The following GABRB2 variants were observed in gnomAD, a reference collection of about 807,000 sequenced individuals.
GABRB2 encodes gamma-aminobutyric acid type A receptor subunit beta2.
In GABRB2, 16 loss-of-function variants were observed where a neutral mutation model predicts 54.7. The ratio of observed to expected loss-of-function variants is 0.29; its 90% CI spans 0.20 to 0.44. GABRB2 has a LOEUF of 0.44. Ranked by LOEUF, GABRB2 falls within the 20% of genes least tolerant of loss-of-function variation. The pLI is 1.00. For synonymous variants in GABRB2, 244 were observed against 233.8 expected (o/e 1.04, Z -0.40); for missense variants, 355 against 644.0 (o/e 0.55, Z 4.86).
At chr5:161,496,629 G>A (rs1230139278) in intron 3 of GABRB2, among the ~76,000 whole-genome samples, 1 of 151,588 alleles carries the variant, frequency 6.6e-6, no homozygotes, top group East Asian at 1.9e-4. Context: ...ATACAGAAGA[G>A]CAATATGAGC....
intron 4 of GABRB2, among the ~76,000 whole-genome samples, chr5:161,423,508 C>T (rs1388950035): frequency 6.6e-6 from 1 of 152,082 alleles, no homozygotes; most frequent in African/African-American, 2.4e-5. Context: ...TTATGTCTGT[C>T]ACAGTCATCT....
Position 161,294,092 on chromosome 5 carries a change from A to G in GABRB2, c.1528T>C (p.Tyr510His). The change falls in exon 10 of 10, where the codon TAT (tyrosine) becomes CAT (histidine). Residue 510 changes from tyrosine (Y) to histidine (H), a missense_variant. Around this residue, in one of 6 missense-constraint regions of GABRB2, gnomAD observed 201 missense variants for 228.1 expected, o/e 0.88. Coordinates refer to ENST00000393959, the MANE Select transcript of GABRB2 (RefSeq NM_001371727.1). ...TGGGAGGCCATGTTTTAGTTCACATAATAAAGCCAATAGACGATGTTGAAG... is the reference window on the plus strand; with the variant it reads ...TGGGAGGCCATGTTTTAGTTCACATGATAAAGCCAATAGACGATGTTGAAG... ...SFFNIVYWLY[Y>H]VN The G allele has an allele frequency of 6.2e-7, 1 of 1,611,448 alleles. No individual in the cohort carries two copies.
intron 3 of GABRB2, among the ~76,000 whole-genome samples, chr5:161,475,061 T>C (rs1183502075): frequency 1.3e-5 from 2 of 151,926 alleles, no homozygotes; most frequent in African/African-American, 4.8e-5. Flanking sequence ...ATGAAAAGAA[T>C]AGTTAATTGG....
At chr5:161,317,399 T>C (rs1039229321) in intron 9 of GABRB2, among the ~76,000 whole-genome samples, 1 of 152,184 alleles carries the variant, frequency 6.6e-6, no homozygotes, top group Non-Finnish European at 1.5e-5. Context: ...TCTCCAAATG[T>C]AACCACTGGG....
At chr5:161,454,562 T>A (rs1026882496) in intron 4 of GABRB2, among the ~76,000 whole-genome samples, 3 of 152,354 alleles carry the variant, frequency 2.0e-5, no homozygotes, top group African/African-American at 7.2e-5. Flanking sequence ...TTCCCATCCA[T>A]GCTTCCATTT....
At chr5:161,387,501 C>G (rs1469160017) in intron 5 of GABRB2, among the ~76,000 whole-genome samples, 3 of 152,088 alleles carry the variant, frequency 2.0e-5, no homozygotes, top group Non-Finnish European at 4.4e-5. Context: ...TCAAACCTAG[C>G]CCTCTGGGTT....
At chr5:161,347,075 G>A (rs1323078389) in intron 5 of GABRB2, among the ~76,000 whole-genome samples, 2 of 152,084 alleles carry the variant, frequency 1.3e-5, no homozygotes, top group Non-Finnish European at 2.9e-5. Context: ...TTTTGTCTAG[G>A]AGAGTCAGTT....
At chr5:161,348,212 C>A (rs1001451098) in intron 5 of GABRB2, among the ~76,000 whole-genome samples, 1 of 151,888 alleles carries the variant, frequency 6.6e-6, no homozygotes, top group Non-Finnish European at 1.5e-5. Context: ...TTCATAATTA[C>A]CATGTTAGGA....
intron 5 of GABRB2, among the ~76,000 whole-genome samples, chr5:161,376,692 G>C (rs1043982817): frequency 6.6e-6 from 1 of 151,984 alleles, no homozygotes; most frequent in Admixed American, 6.6e-5. Context: ...AATAATCCCA[G>C]CCCAACATTA....
intron 3 of GABRB2, among the ~76,000 whole-genome samples, chr5:161,520,545 T>C (rs1400488753): frequency 6.6e-6 from 1 of 152,096 alleles, no homozygotes; most frequent in African/African-American, 2.4e-5. Flanking sequence ...TACTATATGA[T>C]AAAAGTATCA....
At chr5:161,479,801 G>A (rs1318541490) in intron 3 of GABRB2, among the ~76,000 whole-genome samples, 1 of 151,854 alleles carries the variant, frequency 6.6e-6, no homozygotes, top group Non-Finnish European at 1.5e-5. Flanking sequence ...TGTTGGTCAG[G>A]CTGGTCTCCA....
chr5:161,298,564 T>C (rs1234410096), intron 9 of GABRB2, among the ~76,000 whole-genome samples: 2 of 152,234 alleles, frequency 1.3e-5, no homozygotes, highest in Non-Finnish European at 2.9e-5. Flanking sequence ...GAGTCATCAA[T>C]AAGATGGGTT....
chr5:161,402,525 T>C (rs1756228547), intron 5 of GABRB2, among the ~76,000 whole-genome samples: 2 of 152,122 alleles, frequency 1.3e-5, no homozygotes, highest in African/African-American at 4.8e-5. Flanking sequence ...GCCAAAAATG[T>C]TGAAAAATGT....
intron 5 of GABRB2, among the ~76,000 whole-genome samples, chr5:161,406,417 G>A (rs1483596857): frequency 1.3e-5 from 2 of 152,014 alleles, no homozygotes; most frequent in African/African-American, 4.8e-5. Context: ...GAAGGGTGAT[G>A]TTGGGCTCTG....
chr5:161,487,915 T>G (rs1164770254), intron 3 of GABRB2, among the ~76,000 whole-genome samples: 1 of 151,724 alleles, frequency 6.6e-6, no homozygotes, highest in South Asian at 2.1e-4. Context: ...TTCCTAACAC[T>G]GAAAAGCTAT....
At chr5:161,369,065 G>A (rs1755054333) in intron 5 of GABRB2, among the ~76,000 whole-genome samples, 1 of 152,174 alleles carries the variant, frequency 6.6e-6, no homozygotes, top group African/African-American at 2.4e-5. Flanking sequence ...TAATGCCTAT[G>A]GGCCCCACCG....
At chr5:161,414,555 T>C (rs1377908684) in intron 4 of GABRB2, among the ~76,000 whole-genome samples, 1 of 151,822 alleles carries the variant, frequency 6.6e-6, no homozygotes, top group Non-Finnish European at 1.5e-5. Flanking sequence ...ATATGCAAAA[T>C]AAATAATTAC....
Position 161,408,200 on chromosome 5 carries a change from A to C in GABRB2, c.541+2775T>G, listed in dbSNP as rs549542345. Among the ~76,000 whole-genome samples the C allele has an allele frequency of 2.6e-5, 4 of 152,214 alleles. No homozygotes were observed. The East Asian group carries it at 7.7e-4, about 29-fold the overall frequency. ...GAGTGCTGGCGTGACACTCAAATAC[A>C]ATGCTCACTGGAGCACTTCAGATTT... On this transcript the variant is annotated intron_variant, in intron 5 of 9. Transcript: ENST00000393959.
chr5:161,435,005 G>T (rs144215651), intron 4 of GABRB2, among the ~76,000 whole-genome samples: 7 of 152,010 alleles, frequency 4.6e-5, no homozygotes, highest in African/African-American at 1.7e-4. Flanking sequence ...ATCACAATGC[G>T]GTGTTATATA....
Sources: gnomAD v4.1 joint callset for allele counts (sites outside exome capture counted in the v4.1 genomes callset) on GRCh38, gnomAD v4.1.1 for gene constraint, gnomAD v4.1.1 regional missense constraint, MANE v1.5 for transcripts, NCBI Gene and HGNC (gene_info 2026-07-23, HGNC 2026-07-21) for gene names.